GRAMD1C: variants seen among roughly 807,000 people sequenced by gnomAD.
GRAMD1C encodes protein Aster-C.
A neutral mutation model predicts 97.8 loss-of-function variants in GRAMD1C; 89 were observed. The observed-to-expected ratio is 0.91, with a 90% CI of 0.77 to 1.09. The LOEUF is 1.09. GRAMD1C is among the 50% of genes least tolerant of loss of function. GRAMD1C has a pLI of 0.00. For missense variants in GRAMD1C, 740 were observed against 766.4 expected (o/e 0.97, Z 0.41); for synonymous variants, 256 against 267.0 (o/e 0.96, Z 0.40).
intron 11 of GRAMD1C, 130 bp from the exon 12 acceptor site, chr3:113,933,381 G>A (rs1937511577): frequency 1.6e-6 from 1 of 610,872 alleles, no homozygotes; most frequent in Admixed American, 2.9e-5. Context: ...GGCTCTTTTA[G>A]CTTTGTATAT....
intron 3 of GRAMD1C, among the ~76,000 whole-genome samples, chr3:113,872,693 C>T (rs1237081515): frequency 1.3e-5 from 2 of 150,512 alleles, no homozygotes; most frequent in East Asian, 3.9e-4. Context: ...CTGCACCCAG[C>T]CAAGAAGCCA....
At position 113,939,753 on chromosome 3, in the gene GRAMD1C, TG is replaced by T; in HGVS notation, c.1692-132del. ...TTTCATATAATAAAATAGGGATAAT[TG>T]ATTTAAATAATAACAACAATGAAAA... On this transcript the variant is annotated intron_variant, in intron 15 of 17. Coordinates refer to ENST00000358160, the MANE Select transcript of GRAMD1C (RefSeq NM_017577.5). 9.0e-6 allele frequency: 5 copies of T among 554,928 alleles called. No individual in the cohort carries two copies. The South Asian group carries it at 1.3e-4, about 14-fold the overall frequency. The allele number at this position is 554,928 out of a possible 1,614,324, so 34.4% of individuals were successfully genotyped here.
chr3:113,850,633 C>G, intron 2 of GRAMD1C: 4 of 1,607,478 alleles, frequency 2.5e-6, no homozygotes, highest in Non-Finnish European at 3.4e-6. Flanking sequence ...TCTGCCAGCT[C>G]GGGTGCTTAG....
intron 2 of GRAMD1C, chr3:113,850,552 G>C (rs1933851266): frequency 1.2e-6 from 2 of 1,600,774 alleles, no homozygotes; most frequent in Non-Finnish European, 1.7e-6. Context: ...CAGGCAAACT[G>C]TTCCTTCACG....
intron 2 of GRAMD1C, among the ~76,000 whole-genome samples, chr3:113,846,140 CTT>C (rs201758485): frequency 0.029 from 4,325 of 150,158 alleles, 229 homozygotes; most frequent in African/African-American, 0.1. Context: ...GAGTTTCGCT[CTT>C]GTCACCCAGG....
At chr3:113,904,695 C>T (rs1173884292) in intron 8 of GRAMD1C, among the ~76,000 whole-genome samples, 3 of 151,938 alleles carry the variant, frequency 2.0e-5, no homozygotes, top group African/African-American at 7.3e-5. Flanking sequence ...AGCCCCTGAG[C>T]AGCATGCTTG....
chr3:113,835,602 G>T (rs1441197172), upstream of GRAMD1C, among the ~76,000 whole-genome samples: 1 of 152,188 alleles, frequency 6.6e-6, no homozygotes, highest in Non-Finnish European at 1.5e-5. Flanking sequence ...ATAAGATGTG[G>T]TTATTCTGAT....
At chr3:113,835,722 T>A (rs190031346), upstream of GRAMD1C, among the ~76,000 whole-genome samples, 1 of 152,324 alleles carries the variant, frequency 6.6e-6, no homozygotes, top group Admixed American at 6.5e-5. Context: ...AGGGACATAG[T>A]CATTTCTGTG....
upstream of GRAMD1C, among the ~76,000 whole-genome samples, chr3:113,837,211 A>G (rs1384419817): frequency 1.3e-5 from 2 of 151,234 alleles, no homozygotes; most frequent in Non-Finnish European, 2.9e-5. Context: ...GACACAAGCA[A>G]CCCTCCCACC....
intron 5 of GRAMD1C, among the ~76,000 whole-genome samples, chr3:113,876,856 AAAAGG>A (rs1935060535): frequency 6.6e-6 from 1 of 151,926 alleles, no homozygotes; most frequent in African/African-American, 2.4e-5. Context: ...AAAGAAAAAA[AAAAGG>A]AAAGAGAAAA....
At chr3:113,904,620 T>TTTTC (rs1376812257) in intron 8 of GRAMD1C, among the ~76,000 whole-genome samples, 1 of 151,588 alleles carries the variant, frequency 6.6e-6, no homozygotes, top group Non-Finnish European at 1.5e-5. Context: ...GTTTTTTTTT[T>TTTTC]TTTCTTTCTT....
chr3:113,893,332 C>T (rs569189671), intron 6 of GRAMD1C, among the ~76,000 whole-genome samples: 1 of 152,160 alleles, frequency 6.6e-6, no homozygotes, highest in Admixed American at 6.5e-5. Flanking sequence ...CCCACCTCTC[C>T]ACCCACATCT....
upstream of GRAMD1C, among the ~76,000 whole-genome samples, chr3:113,837,296 TGGTTGG>T (rs553291969): frequency 4.3e-3 from 654 of 152,280 alleles, 5 homozygotes; most frequent in African/African-American, 0.015. Flanking sequence ...TATAGCTGTT[TGGTTGG>T]GAACTCTGAA....
chr3:113,863,751 A>T (rs182951726), intron 2 of GRAMD1C, among the ~76,000 whole-genome samples: 70 of 152,292 alleles, frequency 4.6e-4, no homozygotes, highest in African/African-American at 1.6e-3. Context: ...GCAGTTGCAC[A>T]CTGGTGCCTG....
At chr3:113,904,014 G>C (rs543490044) in intron 7 of GRAMD1C, 126 bp from the exon 8 acceptor site, 3 of 569,720 alleles carry the variant, frequency 5.3e-6, no homozygotes, top group Non-Finnish European at 9.2e-6. Context: ...ACATTTATTT[G>C]CTATATTACA....
chr3:113,900,420 T>G (rs1309019583), intron 6 of GRAMD1C, among the ~76,000 whole-genome samples: 2 of 146,670 alleles, frequency 1.4e-5, no homozygotes, highest in Non-Finnish European at 3.0e-5. Flanking sequence ...ATTATTATTA[T>G]TATTATTATT....
chr3:113,832,039 G>GTTTTTTTTTTTTTTTTTTTTTT, intron 1 of GRAMD1C, among the ~76,000 whole-genome samples: 1 of 149,522 alleles, frequency 6.7e-6, no homozygotes, highest in African/African-American at 2.5e-5. Context: ...CAGCAACTTT[G>GTTTTTTTTTTTTTTTTTTTTTT]TTTTTTTTGA....
In GRAMD1C at chr3:113,936,334, C is replaced by T; in HGVS notation, c.1525C>T (p.Leu509=). The stretch of plus-strand genomic sequence containing the variant: ...TGAAGACCCTGGAAAACTTACTGGC[C>T]TACGAAGGAGAAGGCGAACCTTCAA... The part of the protein sequence containing the change: ...AIEDPGKLTG[L]RRRRRTFNRT... The change falls in exon 14 of 18, where the codon CTA becomes TTA. Residue 509 remains leucine, a synonymous_variant. Coordinates refer to ENST00000358160, the MANE Select transcript of GRAMD1C (RefSeq NM_017577.5). 1 of 1,610,924 alleles carries T rather than the reference C, an allele frequency of 6.2e-7. No individual in the cohort carries two copies. The highest frequency in any genetic ancestry group is 8.5e-7 in the Non-Finnish European group (1 of 1,177,270).
chr3:113,891,892 A>C (rs1418623955), intron 6 of GRAMD1C, among the ~76,000 whole-genome samples: 1 of 151,854 alleles, frequency 6.6e-6, no homozygotes, highest in Non-Finnish European at 1.5e-5. Context: ...GTCTCAAAAA[A>C]AAAAAATTAA....
Sources: gnomAD v4.1 joint callset for allele counts (sites outside exome capture counted in the v4.1 genomes callset) on GRCh38, gnomAD v4.1.1 for gene constraint, MANE v1.5 for transcripts, NCBI Gene and HGNC (gene_info 2026-07-23, HGNC 2026-07-21) for gene names.